Variants in ATE1 observed in about 807,000 individuals in gnomAD.
The protein encoded by ATE1 is arginyltransferase 1.
In ATE1, 36 loss-of-function variants were observed where a neutral mutation model predicts 70.5. The ratio of observed to expected loss-of-function variants is 0.51; its 90% CI spans 0.39 to 0.67. The LOEUF (loss-of-function observed/expected upper bound fraction) is 0.67, where lower values mean the gene tolerates loss of function less well. Among genes scored for constraint, ATE1 ranks in the 30% least tolerant of loss-of-function variants. The probability of loss-of-function intolerance (pLI) is 0.00; values close to 1 mark genes in which losing one functional copy is unlikely to be tolerated. For missense variants in ATE1, 593 were observed against 629.5 expected (o/e 0.94, Z 0.62); for synonymous variants, 232 against 219.3 (o/e 1.06, Z -0.51).
intron 5 of ATE1, among the ~76,000 whole-genome samples, chr10:121,909,602 G>A (rs773691114): frequency 9.2e-5 from 14 of 152,050 alleles, no homozygotes; most frequent in Admixed American, 2.0e-4. Context: ...CATGGAAGTC[G>A]ATTATACTAT....
intron 8 of ATE1, among the ~76,000 whole-genome samples, chr10:121,864,100 A>G (rs1282914509): frequency 6.6e-6 from 1 of 152,220 alleles, no homozygotes; most frequent in East Asian, 1.9e-4. Flanking sequence ...GCCTTAAGTT[A>G]ACTAAAATTT....
chr10:121,901,504 T>A (rs572892770), intron 6 of ATE1, among the ~76,000 whole-genome samples: 1 of 152,268 alleles, frequency 6.6e-6, no homozygotes, highest in African/African-American at 2.4e-5. Flanking sequence ...TCACGCAGGC[T>A]GGAGTGCAGT....
intron 10 of ATE1, among the ~76,000 whole-genome samples, chr10:121,835,907 C>T (rs532852214): frequency 2.0e-5 from 3 of 152,090 alleles, no homozygotes; most frequent in African/African-American, 4.8e-5. Context: ...TGAAAACCCC[C>T]GTTAAGTCAT....
intron 10 of ATE1, among the ~76,000 whole-genome samples, chr10:121,832,571 G>A (rs80319505): frequency 7.9e-5 from 12 of 152,282 alleles, no homozygotes; most frequent in African/African-American, 1.2e-4. Context: ...AATGTCTCAC[G>A]ATATCTGATG....
At chr10:121,792,040 G>T (rs985074304) in intron 10 of ATE1, among the ~76,000 whole-genome samples, 4 of 152,184 alleles carry the variant, frequency 2.6e-5, no homozygotes, top group African/African-American at 9.7e-5. Flanking sequence ...AAAAAGAGAG[G>T]CTATACATCC....
intron 10 of ATE1, among the ~76,000 whole-genome samples, chr10:121,817,795 C>T (rs1385235406): frequency 6.6e-6 from 1 of 151,938 alleles, no homozygotes; most frequent in African/African-American, 2.4e-5. Context: ...TATACAAAAG[C>T]AGAAGAGAAG....
intron 11 of ATE1, among the ~76,000 whole-genome samples, chr10:121,779,132 C>A (rs1001867388): frequency 6.6e-6 from 1 of 152,146 alleles, no homozygotes; most frequent in African/African-American, 2.4e-5. Context: ...ATTCTTTGAC[C>A]TTTCTATGTC....
intron 8 of ATE1, among the ~76,000 whole-genome samples, chr10:121,857,003 A>G (rs886635562): frequency 6.6e-6 from 1 of 152,246 alleles, no homozygotes; most frequent in Non-Finnish European, 1.5e-5. Flanking sequence ...AAATTGAATT[A>G]TAATTCTGAT....
chr10:121,856,076 CA>C (rs34106606), intron 8 of ATE1, among the ~76,000 whole-genome samples: 91,583 of 125,564 alleles, frequency 0.73, 32,195 homozygotes, highest in African/African-American at 0.82. Context: ...AACTATATCT[CA>C]AAAAAAAAAA....
At chr10:121,888,706 C>T (rs914194276) in intron 7 of ATE1, among the ~76,000 whole-genome samples, 3 of 152,272 alleles carry the variant, frequency 2.0e-5, no homozygotes, top group East Asian at 1.9e-4. Context: ...GCACTTTTCA[C>T]GGTAGCCTCA....
intron 8 of ATE1, among the ~76,000 whole-genome samples, chr10:121,869,652 C>T (rs1949782236): frequency 6.6e-6 from 1 of 152,150 alleles, no homozygotes; most frequent in African/African-American, 2.4e-5. Flanking sequence ...CTTTTAATAC[C>T]ATGGCAATTT....
chr10:121,840,087 T>TAA (rs1948573960), intron 9 of ATE1, among the ~76,000 whole-genome samples: 1 of 152,048 alleles, frequency 6.6e-6, no homozygotes, highest in African/African-American at 2.4e-5. Context: ...CATATACACA[T>TAA]AGACAAACAG....
chr10:121,800,743 AAAT>A (rs2133371269), intron 10 of ATE1, among the ~76,000 whole-genome samples: 1 of 152,344 alleles, frequency 6.6e-6, no homozygotes, highest in African/African-American at 2.4e-5. Context: ...TTTCTACAAT[AAAT>A]CTATTGATTG....
upstream of ATE1, chr10:121,928,306 G>A (rs1217379286): frequency 6.6e-7 from 1 of 1,508,610 alleles, no homozygotes; most frequent in South Asian, 1.3e-5. Flanking sequence ...GCCTGTGCGG[G>A]GCGCGGCGGC....
chr10:121,864,034 T>C (rs889272714), intron 8 of ATE1, among the ~76,000 whole-genome samples: 2 of 152,222 alleles, frequency 1.3e-5, no homozygotes, highest in African/African-American at 2.4e-5. Flanking sequence ...TGACTTTTAA[T>C]TGGAATGTTC....
chr10:121,819,548 C>A (rs4478919), intron 10 of ATE1, among the ~76,000 whole-genome samples: 5,922 of 151,650 alleles, frequency 0.039, 172 homozygotes, highest in Middle Eastern at 0.1. Context: ...ACTAAAAATA[C>A]AAAATAAAAT....
intron 11 of ATE1, among the ~76,000 whole-genome samples, chr10:121,771,229 C>T (rs769899103): frequency 6.6e-6 from 1 of 152,162 alleles, no homozygotes; most frequent in Non-Finnish European, 1.5e-5. Flanking sequence ...TGCCACCATG[C>T]CTGGCTAATT....
At chr10:121,920,061 A>G (rs1951818735) in intron 3 of ATE1, among the ~76,000 whole-genome samples, 1 of 152,202 alleles carries the variant, frequency 6.6e-6, no homozygotes, top group African/African-American at 2.4e-5. Context: ...TGGACAAAAA[A>G]CTGTTTAATT....
intron 11 of ATE1, among the ~76,000 whole-genome samples, chr10:121,759,261 A>G (rs1223865243): frequency 6.6e-6 from 1 of 152,250 alleles, no homozygotes; most frequent in Admixed American, 6.5e-5. Flanking sequence ...TGGATAGAAG[A>G]TCAAACCAGC....
Sources: gnomAD v4.1 joint callset for allele counts (sites outside exome capture counted in the v4.1 genomes callset) on GRCh38, gnomAD v4.1.1 for gene constraint, MANE v1.5 for transcripts, NCBI Gene and HGNC (gene_info 2026-07-23, HGNC 2026-07-21) for gene names.